Variants in FAM13A observed in about 807,000 individuals in gnomAD.
FAM13A encodes protein FAM13A.
Under a neutral mutation model 129.6 loss-of-function variants are expected in FAM13A, and 76 were observed. That is an observed-to-expected ratio of 0.59 (90% CI 0.49 to 0.71). FAM13A has a LOEUF of 0.71. FAM13A is among the 30% of genes least tolerant of loss of function. The probability of loss-of-function intolerance (pLI) is 0.00; values close to 1 mark genes in which losing one functional copy is unlikely to be tolerated. For synonymous variants in FAM13A, 443 were observed against 449.9 expected (o/e 0.98, Z 0.20); for missense variants, 1,108 against 1,249.3 (o/e 0.89, Z 1.70).
chr4:88,792,912 A>G (rs748134954), intron 8 of FAM13A, among the ~76,000 whole-genome samples: 1 of 152,064 alleles, frequency 6.6e-6, no homozygotes, highest in Non-Finnish European at 1.5e-5. Flanking sequence ...GAAAAAGACA[A>G]GGAAACAACA....
chr4:88,997,146 G>A (rs1466462765), intron 3 of FAM13A, among the ~76,000 whole-genome samples: 1 of 152,164 alleles, frequency 6.6e-6, no homozygotes, highest in Non-Finnish European at 1.5e-5. Context: ...ATGCACCTCT[G>A]CAGATGTATT....
At chr4:88,828,365 T>G (rs1733362992) in intron 7 of FAM13A, among the ~76,000 whole-genome samples, 3 of 152,196 alleles carry the variant, frequency 2.0e-5, no homozygotes, top group Admixed American at 2.0e-4. Flanking sequence ...CTTGAACTCC[T>G]GGGCTCAAGC....
At chr4:88,795,128 C>T (rs915039158) in intron 8 of FAM13A, among the ~76,000 whole-genome samples, 1 of 151,744 alleles carries the variant, frequency 6.6e-6, no homozygotes, top group African/African-American at 2.4e-5. Flanking sequence ...GTTGCATCAT[C>T]CTTTTGCATC....
At chr4:89,034,001 C>T (rs967442342) in intron 1 of FAM13A, among the ~76,000 whole-genome samples, 1 of 152,108 alleles carries the variant, frequency 6.6e-6, no homozygotes, top group African/African-American at 2.4e-5. Context: ...AGGAAATATC[C>T]TTGCGAACAT....
At chr4:88,975,454 A>G (rs1760765861) in intron 4 of FAM13A, among the ~76,000 whole-genome samples, 1 of 152,130 alleles carries the variant, frequency 6.6e-6, no homozygotes, top group South Asian at 2.1e-4. Flanking sequence ...TATATACCTA[A>G]ATTTTCTACT....
chr4:88,758,419 C>T (rs1744132268), intron 14 of FAM13A, among the ~76,000 whole-genome samples: 1 of 151,948 alleles, frequency 6.6e-6, no homozygotes, highest in East Asian at 1.9e-4. Flanking sequence ...TAAAAGCACA[C>T]CGGTTCCCTA....
At chr4:88,809,261 A>ACCATT (rs559038113) in intron 7 of FAM13A, among the ~76,000 whole-genome samples, 296 of 152,192 alleles carry the variant, frequency 1.9e-3, no homozygotes, top group Non-Finnish European at 3.0e-3. Context: ...CGATCAAACC[A>ACCATT]CCATTCCATT....
intron 1 of FAM13A, among the ~76,000 whole-genome samples, chr4:89,056,054 A>C (rs1301930234): frequency 2.6e-5 from 4 of 152,164 alleles, no homozygotes; most frequent in Non-Finnish European, 1.5e-5. Context: ...TGATTTTTTA[A>C]GTGAGCAGTT....
intron 6 of FAM13A, among the ~76,000 whole-genome samples, chr4:88,891,784 C>G (rs1745367003): frequency 6.6e-6 from 1 of 152,194 alleles, no homozygotes; most frequent in African/African-American, 2.4e-5. Context: ...TAGCAAACTA[C>G]AGATATGAGA....
intron 5 of FAM13A, among the ~76,000 whole-genome samples, chr4:88,922,874 A>T (rs1161524358): frequency 6.6e-6 from 1 of 152,248 alleles, no homozygotes; most frequent in African/African-American, 2.4e-5. Flanking sequence ...GGATATCACC[A>T]CCGATCCCAC....
At chr4:88,841,684 T>C (rs944940454) in intron 7 of FAM13A, among the ~76,000 whole-genome samples, 2 of 152,168 alleles carry the variant, frequency 1.3e-5, no homozygotes, top group African/African-American at 2.4e-5. Context: ...TCATTATTCA[T>C]TGGGGCAATG....
intron 6 of FAM13A, among the ~76,000 whole-genome samples, chr4:88,883,991 A>G (rs2150135524): frequency 6.6e-6 from 1 of 152,256 alleles, no homozygotes; most frequent in South Asian, 2.1e-4. Context: ...ACAGATGAAT[A>G]ACAAGCAGCA....
chr4:88,915,385 C>T (rs56837788), intron 5 of FAM13A, among the ~76,000 whole-genome samples: 18,528 of 152,116 alleles, frequency 0.12, 1,415 homozygotes, highest in Non-Finnish European at 0.16. Context: ...TGGAAAAACT[C>T]TGTAATTTTC....
At chr4:88,848,380 C>T (rs1737030315) in intron 7 of FAM13A, among the ~76,000 whole-genome samples, 1 of 152,222 alleles carries the variant, frequency 6.6e-6, no homozygotes, top group Non-Finnish European at 1.5e-5. Context: ...TCAGCTTCTC[C>T]TCTCCACTGG....
At chr4:88,980,983 A>C (rs898470158) in intron 4 of FAM13A, among the ~76,000 whole-genome samples, 13 of 152,224 alleles carry the variant, frequency 8.5e-5, no homozygotes, top group African/African-American at 3.1e-4. Flanking sequence ...CACTAAGAAA[A>C]AATGTAACAT....
At chr4:88,758,094 T>C (rs934281302) in intron 14 of FAM13A, among the ~76,000 whole-genome samples, 1 of 152,018 alleles carries the variant, frequency 6.6e-6, no homozygotes, top group Non-Finnish European at 1.5e-5. Context: ...TGCTGCAATA[T>C]CCTCCCTGAA....
At chr4:88,934,407 G>A (rs926600828) in intron 5 of FAM13A, among the ~76,000 whole-genome samples, 4 of 152,074 alleles carry the variant, frequency 2.6e-5, no homozygotes, top group African/African-American at 4.8e-5. Flanking sequence ...TTAACACTTG[G>A]ATTTAATGAA....
In FAM13A at chr4:89,012,868, T is replaced by TA. The variant is rs370071509; in HGVS notation, c.427+7591dup. On this transcript the variant is annotated intron_variant, in intron 3 of 23. Coordinates refer to ENST00000264344, the MANE Select transcript of FAM13A (RefSeq NM_014883.4). ...ATAATTCAAAGGCCTACAACAACAT[T>TA]AAAAAAAAAAGAAATGTAGCATTGA... is the stretch of plus-strand genomic sequence containing the variant. 2.9e-3 allele frequency among the ~76,000 whole-genome samples: 433 copies of TA among 147,046 alleles called. 1 individual carries two copies. The highest frequency in any genetic ancestry group is 9.3e-3 in the African/African-American group (373 of 40,226).
chr4:89,021,573 A>G (rs1488524026), intron 2 of FAM13A, among the ~76,000 whole-genome samples: 1 of 152,192 alleles, frequency 6.6e-6, no homozygotes, highest in African/African-American at 2.4e-5. Context: ...GGGATAATAA[A>G]ATGGAGAAAC....
Sources: gnomAD v4.1 joint callset for allele counts (sites outside exome capture counted in the v4.1 genomes callset) on GRCh38, gnomAD v4.1.1 for gene constraint, MANE v1.5 for transcripts, NCBI Gene and HGNC (gene_info 2026-07-23, HGNC 2026-07-21) for gene names.